The following RNF166 variants were observed in gnomAD, a reference collection of about 807,000 sequenced individuals.
RNF166 encodes ring finger protein 166, also known as E3 ubiquitin-protein ligase RNF166.
A neutral mutation model predicts 29.4 loss-of-function variants in RNF166; 19 were observed. The ratio of observed to expected loss-of-function variants is 0.65; its 90% confidence interval spans 0.45 to 0.95. The LOEUF is 0.95. Ranked by LOEUF, RNF166 falls within the 40% of genes least tolerant of loss-of-function variation. The probability of loss-of-function intolerance (pLI) is 0.00; values close to 1 mark genes in which losing one functional copy is unlikely to be tolerated. For missense variants in RNF166, 347 were observed against 322.1 expected (o/e 1.08, Z -0.59); for synonymous variants, 171 against 134.5 (o/e 1.27, Z -1.88).
At chr16:88,701,208 T>G in intron 2 of RNF166, 54 bp downstream of exon 2, 1 of 1,604,822 alleles carries the variant, frequency 6.2e-7, no homozygotes. Context: ...ACCCGTGGGC[T>G]GAGGCTGCCC....
chr16:88,697,310 C>T lies in RNF166; in HGVS notation c.*258G>A. ...CTCCAGGTCCCAGCGTCCAGCCCTG[C>T]CCAAGTAGGCCGCCTGCTCGGCCAG... On this transcript the variant is annotated 3_prime_UTR_variant, in exon 6 of 6. Coordinates refer to ENST00000312838, the MANE Select transcript of RNF166 (RefSeq NM_178841.4). 2.6e-6 allele frequency: 1 copy of T among 391,066 alleles called. No homozygotes were observed. The highest frequency in any genetic ancestry group is 3.8e-5 in the South Asian group (1 of 26,454). 24.2% of individuals were successfully genotyped at this position (391,066 alleles called of 1,614,324 possible). A position where few individuals can be genotyped will look rare whatever the true frequency, so the allele number is the denominator to read the frequency against.
Position 88,706,275 on chromosome 16 carries a change from C to G in RNF166, c.51G>C (p.Pro17=). The change falls in exon 1 of 6, where the codon CCG becomes CCC. Residue 17 remains proline (P), a synonymous_variant. Transcript: ENST00000312838. ...CGCTGTCGCCGCCCGCCGGCCCGGCCGGCGGCTGCCGCTGCTGAGCCGAGG... is the reference window on the plus strand; with the variant it reads ...CGCTGTCGCCGCCCGCCGGCCCGGCGGGCGGCTGCCGCTGCTGAGCCGAGG... ...LVASAQQRQP[P]AGPAGGDSGL... is the part of the protein sequence containing the mutation. 7.7e-7 allele frequency: 1 copy of G among 1,296,484 alleles called. No individual in the cohort carries two copies. The highest frequency in any genetic ancestry group is 2.0e-5 in the South Asian group (1 of 50,602). The allele number at this position is 1,296,484 out of a possible 1,614,324, so 80.3% of individuals were successfully genotyped here.
At position 88,698,593 on chromosome 16, in the gene RNF166, G is replaced by A. The variant is rs781275177; in HGVS notation, c.557C>T (p.Ser186Leu). Residue 186 changes from serine to leucine, a missense_variant, in exon 5 of 6, where the codon TCG (serine) becomes TTG (leucine). By Grantham distance (145) the Ser-to-Leu change is moderately radical. Coordinates refer to ENST00000312838, the MANE Select transcript of RNF166 (RefSeq NM_178841.4). ...DPNRVVCPICSAMPWGDPSYK... is the reference protein window; with the variant it reads ...DPNRVVCPICLAMPWGDPSYK... The stretch of plus-strand genomic sequence containing the variant: ...GCTGGGGTCCCCCCAGGGCATTGCC[G>A]AGCAGATGGGGCACACCTGGAACAG... The A allele has an allele frequency of 1.1e-5, 17 of 1,536,080 alleles. No individual in the cohort carries two copies. The highest frequency in any genetic ancestry group is 1.4e-5 in the Non-Finnish European group (16 of 1,138,198).
intron 2 of RNF166, chr16:88,701,058 C>A (rs746770334): frequency 1.5e-6 from 2 of 1,339,238 alleles, no homozygotes; most frequent in African/African-American, 3.0e-5. Flanking sequence ...GGCTGGCCCC[C>A]CCGTCAGCCG....
At chr16:88,701,209 G>A in intron 2 of RNF166, 53 bp downstream of exon 2, 2 of 1,607,278 alleles carry the variant, frequency 1.2e-6, no homozygotes, top group Non-Finnish European at 1.7e-6. Flanking sequence ...CCCGTGGGCT[G>A]AGGCTGCCCA....
intron 1 of RNF166, chr16:88,704,365 C>G (rs1268389216): frequency 1.0e-6 from 1 of 985,224 alleles, no homozygotes; most frequent in Non-Finnish European, 1.2e-6. Context: ...TTGCAGGACC[C>G]GCGGTGAGAC....
At chr16:88,699,545 G>A (rs1909992140) in intron 3 of RNF166, 75 bp downstream of exon 3, 2 of 1,165,980 alleles carry the variant, frequency 1.7e-6, no homozygotes, top group African/African-American at 1.5e-5. Flanking sequence ...TCTCTGGGAT[G>A]GGGCACTGCG....
At chr16:88,706,094 G>T in intron 1 of RNF166, 77 bp downstream of exon 1, 1 of 983,144 alleles carries the variant, frequency 1.0e-6, no homozygotes, top group South Asian at 4.7e-5. Flanking sequence ...GCTGCACCGG[G>T]GCGGCCGCCG....
intron 1 of RNF166, among the ~76,000 whole-genome samples, chr16:88,702,411 G>A (rs754899658): frequency 9.2e-5 from 14 of 152,200 alleles, no homozygotes; most frequent in Admixed American, 2.6e-4. Context: ...CCACAGGGCT[G>A]GTACAGGAGC....
intron 5 of RNF166, 39 bp downstream of exon 5, chr16:88,698,463 G>A (rs1289940272): frequency 6.8e-7 from 1 of 1,470,712 alleles, no homozygotes; most frequent in Non-Finnish European, 9.3e-7. Context: ...GGGTGGATGA[G>A]GAGGGCGTGG....
Position 88,698,991 on chromosome 16 carries a change from G to T in RNF166, c.520C>A (p.Arg174Ser), listed in dbSNP as rs778639362. ...ELVKHCVESH[R>S]SDPNRVVCPI... Reference sequence around the variant, plus strand: ...CTCACCACGCGGTTGGGGTCGCTGCGGTGGCTTTCCACACAGTGCTTCACC... The same window carrying T: ...CTCACCACGCGGTTGGGGTCGCTGCTGTGGCTTTCCACACAGTGCTTCACC... Residue 174 changes from arginine to serine, a missense_variant, in exon 4 of 6, where the codon CGC becomes AGC. Arg to Ser is a moderately radical substitution (Grantham distance 110). Transcript: ENST00000312838. The T allele has an allele frequency of 6.2e-7, 1 of 1,602,604 alleles. No individual in the cohort carries two copies. Among genetic ancestry groups the T allele is most frequent in the Non-Finnish European group, 8.5e-7 (1 of 1,174,986 alleles).
chr16:88,706,076 A>C, intron 1 of RNF166, 95 bp downstream of exon 1: 6 of 826,154 alleles, frequency 7.3e-6, no homozygotes, highest in Non-Finnish European at 8.8e-6. Context: ...CCGCGCGCCC[A>C]GTCCGGAGCT....
At position 88,703,046 on chromosome 16, in the gene RNF166, G is replaced by A. The variant is rs562078500; in HGVS notation, c.156-1628C>T. ...AAAGGGCGTTCGGCCGGGAAGAGGC[G>A]TGCAGCCCCACCACGCACCGGAAGG... On this transcript the variant is annotated intron_variant, in intron 1 of 5. Coordinates refer to ENST00000312838, the MANE Select transcript of RNF166 (RefSeq NM_178841.4). 36 of 985,492 alleles carry A rather than the reference G, an allele frequency of 3.7e-5. No homozygotes were observed. In the Admixed American group the frequency reaches 1.4e-3, roughly 39 times the overall value. The allele number at this position is 985,492 out of a possible 1,614,324, so 61.0% of individuals were successfully genotyped here. A position where few individuals can be genotyped will look rare whatever the true frequency, so the allele number is the denominator to read the frequency against.
rs115647411 is a variant in RNF166, at chr16:88,702,105, C to T, written c.156-687G>A. 7.9e-3 allele frequency among the ~76,000 whole-genome samples: 1,203 copies of T among 151,380 alleles called. 15 individuals are homozygous for T. The highest frequency in any genetic ancestry group is 0.027 in the African/African-American group (1,098 of 41,254). On this transcript the variant is annotated intron_variant, in intron 1 of 5. Coordinates refer to ENST00000312838, the MANE Select transcript of RNF166 (RefSeq NM_178841.4). The stretch of plus-strand genomic sequence containing the variant: ...GGACAGACTGAGCGTCCCACAGCCC[C>T]GTGCGCACTCCGGGCTCCAGCAGCA...
intron 5 of RNF166, chr16:88,697,902 C>T (rs1307711257): frequency 2.2e-5 from 11 of 491,322 alleles, no homozygotes; most frequent in Middle Eastern, 5.5e-4. Context: ...CCGGGGTTTC[C>T]GAGGTGAGCA....
intron 1 of RNF166, chr16:88,704,362 A>AC (rs1485369174): frequency 2.0e-6 from 2 of 985,308 alleles, no homozygotes; most frequent in African/African-American, 3.5e-5. Context: ...CTCTTGCAGG[A>AC]CCCGCGGTGA....
At chr16:88,702,753 A>C in intron 1 of RNF166, 2 of 985,424 alleles carry the variant, frequency 2.0e-6, no homozygotes, top group Non-Finnish European at 2.4e-6. Flanking sequence ...CAGAGTAAAG[A>C]GGTCGCTCAC....
Position 88,703,180 on chromosome 16 carries a change from G to A in RNF166, c.156-1762C>T, listed in dbSNP as rs45507504. On this transcript the variant is annotated intron_variant, in intron 1 of 5. Coordinates refer to ENST00000312838, the MANE Select transcript of RNF166 (RefSeq NM_178841.4). ...AAACCCAGTGACCAGAAAGCAGACG[G>A]GTGGGTGCCAGGCGAGGGGGAGAGT... The A allele has an allele frequency of 0.019, 18,730 of 982,250 alleles. 1,967 individuals are homozygous for A. In the African/African-American group the frequency reaches 0.26, roughly 14 times the overall value. 60.8% of individuals were successfully genotyped at this position (982,250 alleles called of 1,614,324 possible). A position where few individuals can be genotyped will look rare whatever the true frequency, so the allele number is the denominator to read the frequency against.
intron 1 of RNF166, chr16:88,704,402 A>C (rs1910559446): frequency 1.0e-6 from 1 of 985,430 alleles, no homozygotes; most frequent in African/African-American, 1.7e-5. Flanking sequence ...CTACCAAGAA[A>C]AGCATGGCAG....
Sources: allele counts gnomAD v4.1 joint callset (sites outside exome capture counted in the v4.1 genomes callset), GRCh38; gene constraint gnomAD v4.1.1; transcripts MANE v1.5; gene names NCBI Gene and HGNC (gene_info 2026-07-23, HGNC 2026-07-21).